PHF21B: variants seen among roughly 807,000 people sequenced by gnomAD.
PHF21B encodes the protein PHD finger protein 4.
A neutral mutation model predicts 62.2 loss-of-function variants in PHF21B; 22 were observed. That is an observed-to-expected ratio of 0.35 (90% CI 0.25 to 0.51). The LOEUF (loss-of-function observed/expected upper bound fraction) is 0.51, where lower values mean the gene tolerates loss of function less well. Among genes scored for constraint, PHF21B ranks in the 20% least tolerant of loss-of-function variants. The pLI is 0.97. For missense variants in PHF21B, 701 were observed against 707.9 expected, an observed-to-expected ratio of 0.99 and a Z score of 0.11; for synonymous variants, 341 against 314.7, an observed-to-expected ratio of 1.08 and a Z score of -0.88.
chr22:44,984,274 A>G (rs2072908076), intron 2 of PHF21B, among the ~76,000 whole-genome samples: 1 of 149,794 alleles, frequency 6.7e-6, no homozygotes, highest in Admixed American at 6.7e-5. Context: ...CATCACCACC[A>G]CCACCACCAC....
chr22:45,005,848 A>G (rs1444624353), intron 2 of PHF21B, among the ~76,000 whole-genome samples: 1 of 152,174 alleles, frequency 6.6e-6, no homozygotes, highest in Non-Finnish European at 1.5e-5. Flanking sequence ...TTTTCTGTTG[A>G]GTTAAATAAA....
chr22:45,009,732 G>A lies in PHF21B; in HGVS notation c.-183C>T, dbSNP rs1470409145. 60 of 510,648 alleles carry A rather than the reference G, an allele frequency of 1.2e-4. No homozygotes were observed. The Middle Eastern group carries it at 1.6e-3, about 14-fold the overall frequency. 31.6% of individuals were successfully genotyped at this position (510,648 alleles called of 1,614,324 possible). A position where few individuals can be genotyped will look rare whatever the true frequency, so the allele number is the denominator to read the frequency against. ...CTGGCGAAGGGGAAGACAGGCTTCC[G>A]GGCGCCGCGGCGCCGAGCCCTCGGC... On this transcript the variant is annotated 5_prime_UTR_variant, in exon 1 of 13. Transcript: ENST00000313237. This position sits in a 1 kb window ranked among gnomAD's most constrained non-coding sequence, Gnocchi z 5.9.
intron 2 of PHF21B, chr22:44,967,281 C>T (rs1156665121): frequency 2.8e-5 from 4 of 143,406 alleles, no homozygotes; most frequent in Admixed American, 7.4e-5. Flanking sequence ...AGTGCAGAGG[C>T]GCAATCTCAG....
intron 6 of PHF21B, 64 bp from the exon 7 acceptor site, chr22:44,893,597 T>G: frequency 6.7e-7 from 1 of 1,491,094 alleles, no homozygotes; most frequent in East Asian, 2.4e-5. Flanking sequence ...AAATGCTTCC[T>G]TGCCAAGCCC....
intron 5 of PHF21B, among the ~76,000 whole-genome samples, chr22:44,903,067 G>A (rs2071189114): frequency 6.6e-6 from 1 of 152,092 alleles, no homozygotes; most frequent in East Asian, 1.9e-4. Flanking sequence ...CCTGTTCCTG[G>A]ATGCCTTACA....
chr22:44,970,383 G>GCAC (rs1402162766), intron 2 of PHF21B, among the ~76,000 whole-genome samples: 2 of 152,216 alleles, frequency 1.3e-5, no homozygotes, highest in Non-Finnish European at 2.9e-5. Context: ...AAGCACAGCT[G>GCAC]CACCACCAAA....
intron 2 of PHF21B, among the ~76,000 whole-genome samples, chr22:44,946,648 T>C (rs2072080238): frequency 6.6e-6 from 1 of 152,026 alleles, no homozygotes; most frequent in South Asian, 2.1e-4. Context: ...GATGGGTGGA[T>C]GGACGGTGCG....
chr22:44,992,202 T>C (rs2147507284), intron 2 of PHF21B, among the ~76,000 whole-genome samples: 1 of 152,354 alleles, frequency 6.6e-6, no homozygotes, highest in East Asian at 1.9e-4. Flanking sequence ...GAAAGCACCA[T>C]TCATGCCCCT....
intron 2 of PHF21B, among the ~76,000 whole-genome samples, chr22:44,946,585 T>C (rs1197896365): frequency 6.6e-6 from 1 of 151,898 alleles, no homozygotes; most frequent in Non-Finnish European, 1.5e-5. Flanking sequence ...GAAGGGTGGA[T>C]GGACGGGTAG....
Position 44,968,189 on chromosome 22 carries a change from G to A in PHF21B, c.120+40356C>T, listed in dbSNP as rs192129670. Among the ~76,000 whole-genome samples, 280 of 152,220 alleles carry A rather than the reference G, an allele frequency of 1.8e-3. 4 individuals carry two copies. The highest frequency in any genetic ancestry group is 0.014 in the Admixed American group (220 of 15,284). ...GAGAGTTACCCCTCCCTCCTTGAGG[G>A]CGGAGTAGCTACATAAATTATTTGA... On this transcript the variant is annotated intron_variant, in intron 2 of 12. Coordinates refer to ENST00000313237, the MANE Select transcript of PHF21B (RefSeq NM_138415.5).
At position 44,887,990 on chromosome 22, in the gene PHF21B, C is replaced by T. The variant is rs1190680423; in HGVS notation, c.1170G>A (p.Val390=). 2.6e-6 allele frequency: 4 copies of T among 1,564,080 alleles called. No homozygotes were observed. Among genetic ancestry groups the T allele is most frequent in the Admixed American group, 1.9e-5 (1 of 53,316 alleles). ...TCTGCTGGCACCTGGGGCACACCCACACGCCCTTGGGCGCCGTCTTGAGGG... is the reference window on the plus strand; with the variant it reads ...TCTGCTGGCACCTGGGGCACACCCATACGCCCTTGGGCGCCGTCTTGAGGG... ...EPPLKTAPKG[V]WVCPRCQQKA... is the part of the protein sequence containing the mutation. Residue 390 remains valine, a synonymous_variant, in exon 10 of 13, where the codon GTG becomes GTA. Coordinates refer to ENST00000313237, the MANE Select transcript of PHF21B (RefSeq NM_138415.5).
intron 10 of PHF21B, 84 bp downstream of exon 10, chr22:44,887,879 T>C (rs1601563851): frequency 2.3e-6 from 3 of 1,306,496 alleles, no homozygotes; most frequent in South Asian, 2.4e-5. Flanking sequence ...AGCCCCTTTT[T>C]TCACCCCTCC....
chr22:44,946,465 G>C (rs927704909), intron 2 of PHF21B, among the ~76,000 whole-genome samples: 1 of 152,142 alleles, frequency 6.6e-6, no homozygotes, highest in African/African-American at 2.4e-5. Flanking sequence ...CGTACTGAGT[G>C]GGATGGGAAA....
In PHF21B at chr22:44,883,123, G is replaced by A. The variant is rs78473374; in HGVS notation, c.1559C>T (p.Thr520Ile). 2.2e-3 allele frequency: 3,533 copies of A among 1,612,526 alleles called. 9 individuals are homozygous for A. Among genetic ancestry groups the A allele is most frequent in the Middle Eastern group, 5.8e-3 (33 of 5,730 alleles). The change falls in exon 13 of 13, where the codon ACA becomes ATA. Residue 520 changes from threonine to isoleucine, a missense_variant. Transcript: ENST00000313237. ...GPWTKPSVAA[T>I]HPTVQHPQGH... ...CTGGGGGTGCTGGACGGTGGGGTGT[G>A]TGGCTGCCACTGAGGGCTTGGTCCA... is the stretch of plus-strand genomic sequence containing the variant.
Position 44,889,800 on chromosome 22 carries a change from G to A in PHF21B, c.1016-18C>T. ...CTCATTGGCTAGCACAGGGAAGAAGGGCGGAGAACACGTTAGTGGCCGTCA... is the reference window on the plus strand; with the variant it reads ...CTCATTGGCTAGCACAGGGAAGAAGAGCGGAGAACACGTTAGTGGCCGTCA... On this transcript the variant is annotated intron_variant, in intron 8 of 12. Transcript: ENST00000313237. 3 of 1,549,262 alleles carry A rather than the reference G, an allele frequency of 1.9e-6. No homozygotes were observed. The South Asian group carries it at 3.8e-5, about 20-fold the overall frequency.
At position 44,913,854 on chromosome 22, in the gene PHF21B, CCTT is replaced by C; in HGVS notation, c.796_798del (p.Lys266del). 2 of 1,613,996 alleles carry C rather than the reference CCTT, an allele frequency of 1.2e-6. No homozygotes were observed. The highest frequency in any genetic ancestry group is 1.7e-6 in the Non-Finnish European group (2 of 1,180,010). ...TTCTCCTGGGTCGGGGGCCGGTCTT[CCTT>C]CTTCTTTTTGGTGGCCTGAGCTCCC... is the stretch of plus-strand genomic sequence containing the variant. On this transcript the variant is annotated inframe_deletion, in exon 5 of 13. Transcript: ENST00000313237.
intron 3 of PHF21B, among the ~76,000 whole-genome samples, chr22:44,918,462 G>T (rs1189577022): frequency 1.3e-5 from 2 of 152,212 alleles, no homozygotes. Context: ...GGGGACCTTG[G>T]AGCTTATCAT....
intron 2 of PHF21B, among the ~76,000 whole-genome samples, chr22:44,990,363 A>G (rs2073023163): frequency 6.6e-6 from 1 of 152,200 alleles, no homozygotes; most frequent in African/African-American, 2.4e-5. Context: ...TTGCACACCC[A>G]TGTTCCTAAG....
At chr22:44,933,736 GAC>G (rs1491347909) in intron 2 of PHF21B, among the ~76,000 whole-genome samples, 5 of 140,010 alleles carry the variant, frequency 3.6e-5, no homozygotes, top group South Asian at 2.3e-4. Flanking sequence ...GAGAGAGAGA[GAC>G]AGACAGACAG....
Sources: gnomAD v4.1 joint callset for allele counts (sites outside exome capture counted in the v4.1 genomes callset) on GRCh38, gnomAD v4.1.1 for gene constraint, Gnocchi (gnomAD v3.1) non-coding constraint, MANE v1.5 for transcripts, NCBI Gene and HGNC (gene_info 2026-07-23, HGNC 2026-07-21) for gene names.